KCNMB2: variants seen among roughly 807,000 people sequenced by gnomAD.
KCNMB2 encodes calcium-activated potassium channel subunit beta-2.
A neutral mutation model predicts 24.5 loss-of-function variants in KCNMB2; 9 were observed. The observed-to-expected ratio is 0.37, with a 90% CI of 0.22 to 0.64. KCNMB2 has a LOEUF of 0.64. Ranked by LOEUF, KCNMB2 falls within the 30% of genes least tolerant of loss-of-function variation. The pLI is 0.63. For missense variants in KCNMB2, 226 were observed against 284.3 expected, an observed-to-expected ratio of 0.79 and a Z score of 1.47; for synonymous variants, 109 against 104.4, an observed-to-expected ratio of 1.04 and a Z score of -0.27.
Position 178,836,157 on chromosome 3 carries a change from C to T in KCNMB2, c.424-6496C>T, listed in dbSNP as rs1430085220. 2.0e-5 allele frequency among the ~76,000 whole-genome samples: 3 copies of T among 152,042 alleles called. 1 individual carries two copies. On this transcript the variant is annotated intron_variant, in intron 4 of 4. Transcript: ENST00000452583. Reference sequence around the variant, plus strand: ...AAAACACTTTCTTACTGCCTCCTCCCTTCCCCACATCTTTTATTTTTAAGA... The same window carrying T: ...AAAACACTTTCTTACTGCCTCCTCCTTTCCCCACATCTTTTATTTTTAAGA...
intron 1 of KCNMB2, among the ~76,000 whole-genome samples, chr3:178,618,330 G>C (rs1233508631): frequency 6.6e-6 from 1 of 152,096 alleles, no homozygotes; most frequent in Non-Finnish European, 1.5e-5. Flanking sequence ...CAGTGTGCCA[G>C]ATACCTTGCC....
At chr3:178,718,795 T>C (rs1722703302) in intron 1 of KCNMB2, among the ~76,000 whole-genome samples, 1 of 152,142 alleles carries the variant, frequency 6.6e-6, no homozygotes, top group Admixed American at 6.6e-5. Context: ...TTTCTCTATA[T>C]CGTATATGCA....
chr3:178,579,882 G>A (rs755687323), intron 1 of KCNMB2, among the ~76,000 whole-genome samples: 6 of 151,914 alleles, frequency 3.9e-5, no homozygotes, highest in African/African-American at 9.7e-5. Context: ...GTAATTAATC[G>A]CCTACCAACC....
At chr3:178,550,457 C>CAAAA (rs71671909) in intron 1 of KCNMB2, among the ~76,000 whole-genome samples, 48 of 45,950 alleles carry the variant, frequency 1.0e-3, no homozygotes, top group African/African-American at 1.7e-3. Context: ...GACTCCGTCT[C>CAAAA]AAAAAAAAAA....
At chr3:178,595,345 T>C (rs938034734) in intron 1 of KCNMB2, among the ~76,000 whole-genome samples, 2 of 152,094 alleles carry the variant, frequency 1.3e-5, no homozygotes, top group African/African-American at 4.8e-5. Flanking sequence ...TCATCATGGT[T>C]TGAATCCTGG....
rs7647484 is a variant in KCNMB2, at chr3:178,769,621, A to C, written c.-67-37722A>C. On this transcript the variant is annotated intron_variant, in intron 1 of 4. Coordinates refer to ENST00000452583, the MANE Select transcript of KCNMB2 (RefSeq NM_181361.3). ...TATAAAAATACTTGATTTCGTAAAA[A>C]TGTTGATTCTCCCCAAATTAATTCA... 6.8e-3 allele frequency among the ~76,000 whole-genome samples: 1,035 copies of C among 152,352 alleles called. 17 individuals are homozygous for C. The highest frequency in any genetic ancestry group is 0.024 in the African/African-American group (978 of 41,578).
intron 1 of KCNMB2, among the ~76,000 whole-genome samples, chr3:178,596,158 C>T (rs1454310818): frequency 6.6e-6 from 1 of 152,094 alleles, no homozygotes; most frequent in East Asian, 1.9e-4. Context: ...AATCTTAATC[C>T]CTTAGACGCC....
intron 1 of KCNMB2, among the ~76,000 whole-genome samples, chr3:178,577,707 C>T (rs1030521699): frequency 2.6e-5 from 4 of 152,112 alleles, no homozygotes; most frequent in African/African-American, 9.7e-5. Context: ...AGCTGAAAAA[C>T]AGCACAAGAA....
intron 1 of KCNMB2, among the ~76,000 whole-genome samples, chr3:178,538,777 G>GT (rs971051423): frequency 1.6e-4 from 24 of 151,168 alleles, no homozygotes; most frequent in Middle Eastern, 3.4e-3. Flanking sequence ...TATGGTGCTT[G>GT]TTTTTTTTTC....
chr3:178,624,896 T>C (rs897345729), intron 1 of KCNMB2, among the ~76,000 whole-genome samples: 15 of 152,070 alleles, frequency 9.9e-5, no homozygotes, highest in African/African-American at 3.6e-4. Flanking sequence ...GGTTGGTGAT[T>C]CTCCATTCAG....
chr3:178,601,674 C>T (rs1404806837), intron 1 of KCNMB2, among the ~76,000 whole-genome samples: 1 of 152,154 alleles, frequency 6.6e-6, no homozygotes, highest in African/African-American at 2.4e-5. Context: ...TCTATTTTAC[C>T]TAGAGGCCTT....
chr3:178,682,133 C>G (rs1442167721), intron 1 of KCNMB2, among the ~76,000 whole-genome samples: 1 of 152,172 alleles, frequency 6.6e-6, no homozygotes, highest in Non-Finnish European at 1.5e-5. Context: ...AGTGGAAGGA[C>G]ATGGAGTATA....
chr3:178,591,147 C>G (rs1052839086), intron 1 of KCNMB2, among the ~76,000 whole-genome samples: 8 of 152,114 alleles, frequency 5.3e-5, no homozygotes, highest in African/African-American at 1.9e-4. Flanking sequence ...TAAAGTAATT[C>G]TCACCCTCTC....
chr3:178,631,009 C>T (rs538099199), intron 1 of KCNMB2, among the ~76,000 whole-genome samples: 1 of 152,300 alleles, frequency 6.6e-6, no homozygotes, highest in East Asian at 1.9e-4. Flanking sequence ...GCATTATTTA[C>T]AAGCAAAGAA....
intron 1 of KCNMB2, among the ~76,000 whole-genome samples, chr3:178,782,164 C>T (rs1459742160): frequency 8.6e-6 from 1 of 116,548 alleles, no homozygotes; most frequent in Non-Finnish European, 1.8e-5. Flanking sequence ...TGTATATGTG[C>T]CACATTTTCT....
chr3:178,617,683 A>T (rs1229484385), intron 1 of KCNMB2, among the ~76,000 whole-genome samples: 1 of 151,920 alleles, frequency 6.6e-6, no homozygotes, highest in Non-Finnish European at 1.5e-5. Flanking sequence ...AGGTCAGGAG[A>T]TCAAGATCAT....
rs80210244 is a variant in KCNMB2, at chr3:178,690,474, A to G, written c.-67-116869A>G. Among the ~76,000 whole-genome samples, 1,059 of 152,308 alleles carry G rather than the reference A, an allele frequency of 7.0e-3. 8 individuals carry two copies. Among genetic ancestry groups the G allele is most frequent in the African/African-American group, 0.024 (1,000 of 41,558 alleles). On this transcript the variant is annotated intron_variant, in intron 1 of 4. Transcript: ENST00000452583. ...TAAATAATTTTGCACCAAAATATATAAAAGCATCATTGAAGGAAGAGGAGA... is the reference window on the plus strand; with the variant it reads ...TAAATAATTTTGCACCAAAATATATGAAAGCATCATTGAAGGAAGAGGAGA...
chr3:178,761,006 G>C (rs1711851429), intron 1 of KCNMB2, among the ~76,000 whole-genome samples: 1 of 152,084 alleles, frequency 6.6e-6, no homozygotes, highest in Non-Finnish European at 1.5e-5. Context: ...TAAGAAATTG[G>C]ATAAGGTCTT....
chr3:178,678,821 C>T (rs2108591502), intron 1 of KCNMB2, among the ~76,000 whole-genome samples: 1 of 152,282 alleles, frequency 6.6e-6, no homozygotes, highest in East Asian at 1.9e-4. Flanking sequence ...CAGGCTTCCC[C>T]CAGTCACTAG....
Sources: gnomAD v4.1 joint callset for allele counts (sites outside exome capture counted in the v4.1 genomes callset) on GRCh38, gnomAD v4.1.1 for gene constraint, MANE v1.5 for transcripts, NCBI Gene and HGNC (gene_info 2026-07-23, HGNC 2026-07-21) for gene names.